The following TBPL1 variants were observed in gnomAD, a reference collection of about 807,000 sequenced individuals.
The protein encoded by TBPL1 is TATA-box binding protein like 1.
In TBPL1, 4 loss-of-function variants were observed where a neutral mutation model predicts 22.1. The observed-to-expected ratio is 0.18, with a 90% CI of 0.09 to 0.41. The LOEUF (loss-of-function observed/expected upper bound fraction) is 0.41. Ranked by LOEUF, TBPL1 falls within the 10% of genes least tolerant of loss-of-function variation. The pLI, the probability that TBPL1 is intolerant of heterozygous loss-of-function variation, is 1.00. For synonymous variants in TBPL1, 64 were observed against 71.0 expected (o/e 0.90, Z 0.50); for missense variants, 115 against 222.3 (o/e 0.52, Z 3.07).
intron 1 of TBPL1, among the ~76,000 whole-genome samples, chr6:133,977,826 G>T (rs541325508): frequency 1.3e-5 from 2 of 152,306 alleles, no homozygotes; most frequent in South Asian, 4.1e-4. Flanking sequence ...CATCCTCATT[G>T]TCTCGTGGTG....
intron 1 of TBPL1, among the ~76,000 whole-genome samples, chr6:133,964,959 C>A (rs1776093610): frequency 6.6e-6 from 1 of 152,114 alleles, no homozygotes; most frequent in Non-Finnish European, 1.5e-5. Context: ...TGATTAAATT[C>A]TTGATGAGTT....
intron 1 of TBPL1, among the ~76,000 whole-genome samples, chr6:133,961,528 G>C (rs1776024157): frequency 6.9e-6 from 1 of 144,618 alleles, no homozygotes; most frequent in Admixed American, 7.2e-5. Context: ...GAGTGCAGTG[G>C]TGCAATCTCG....
chr6:133,968,454 C>T (rs1385308439), intron 1 of TBPL1, among the ~76,000 whole-genome samples: 5 of 152,146 alleles, frequency 3.3e-5, no homozygotes, highest in African/African-American at 1.2e-4. Flanking sequence ...TTTCCTTTAT[C>T]CACAATAGTA....
chr6:133,984,521 T>G, intron 5 of TBPL1, 42 bp downstream of exon 5: 1 of 1,609,990 alleles, frequency 6.2e-7, no homozygotes, highest in Non-Finnish European at 8.5e-7. Flanking sequence ...TTACCAAATT[T>G]GAAATTACTA....
At chr6:133,964,891 G>A (rs1344874647) in intron 1 of TBPL1, among the ~76,000 whole-genome samples, 1 of 152,098 alleles carries the variant, frequency 6.6e-6, no homozygotes, top group Non-Finnish European at 1.5e-5. Flanking sequence ...AAAAACAGTC[G>A]AAACTATGAA....
At chr6:133,963,116 TG>T (rs1776052658) in intron 1 of TBPL1, among the ~76,000 whole-genome samples, 1 of 152,200 alleles carries the variant, frequency 6.6e-6, no homozygotes, top group Non-Finnish European at 1.5e-5. Context: ...CAGATTATGC[TG>T]GTTTAAAAGC....
At position 133,987,782 on chromosome 6, in the gene TBPL1, GAAGTTTATAGATA is replaced by G. The variant is rs1776559818; in HGVS notation, c.*746_*758del. 6.6e-6 allele frequency: 1 copy of G among 152,404 alleles called. No homozygotes were observed. Among genetic ancestry groups the G allele is most frequent in the South Asian group, 2.1e-4 (1 of 4,824 alleles). 9.4% of individuals were successfully genotyped at this position (152,404 alleles called of 1,614,324 possible). On this transcript the variant is annotated 3_prime_UTR_variant, in exon 7 of 7. Transcript: ENST00000237264. ...ATATAAACTCTAGGGAACCAGACTA[GAAGTTTATAGATA>G]AAGGATAATGTTTTATGTTGCTAAT...
At chr6:133,983,020 T>C in intron 4 of TBPL1, 140 bp downstream of exon 4, 1 of 747,948 alleles carries the variant, frequency 1.3e-6, no homozygotes, top group Non-Finnish European at 2.0e-6. Context: ...AATACTGCCC[T>C]TCAGTGTGAA....
intron 1 of TBPL1, among the ~76,000 whole-genome samples, chr6:133,965,623 A>C (rs1305801738): frequency 6.7e-6 from 1 of 150,326 alleles, no homozygotes; most frequent in African/African-American, 2.4e-5. Context: ...TTTTTTTTTT[A>C]ATTCACTGTT....
rs577043613 is a variant in TBPL1 at position 133,962,876 on chromosome 6, T to C, written c.-45+9451T>C. Among the ~76,000 whole-genome samples the C allele has an allele frequency of 3.9e-5, 6 of 152,342 alleles. 1 individual carries two copies. The South Asian group carries it at 1.2e-3, about 32-fold the overall frequency. Reference sequence around the variant, plus strand: ...AGCTTTTCAGGGTCTGGCATGGATTTCAGTTAAGAACTTCTGATTTAAGGA... The same window carrying C: ...AGCTTTTCAGGGTCTGGCATGGATTCCAGTTAAGAACTTCTGATTTAAGGA... On this transcript the variant is annotated intron_variant, in intron 1 of 6. Transcript: ENST00000237264.
intron 1 of TBPL1, among the ~76,000 whole-genome samples, chr6:133,976,338 A>T (rs186794156): frequency 6.6e-6 from 1 of 152,194 alleles, no homozygotes; most frequent in Non-Finnish European, 1.5e-5. Context: ...ACAATGTTTC[A>T]GATACGATGT....
intron 1 of TBPL1, among the ~76,000 whole-genome samples, chr6:133,958,991 T>C (rs2114322792): frequency 6.6e-6 from 1 of 152,250 alleles, no homozygotes; most frequent in South Asian, 2.1e-4. Flanking sequence ...ACCAAATAGA[T>C]AGAGATATAT....
chr6:133,970,795 C>CT lies in TBPL1; in HGVS notation c.-44-9286dup, dbSNP rs779675892. Among the ~76,000 whole-genome samples, 9 of 151,978 alleles carry CT rather than the reference C, an allele frequency of 5.9e-5. No homozygotes were observed. The East Asian group carries it at 1.5e-3, about 26-fold the overall frequency. ...TTAAAATTTGTTGTAGAAATTGAGT[C>CT]TATCTGTGTTGCCCAGGCTGGTTTT... On this transcript the variant is annotated intron_variant, in intron 1 of 6. Transcript: ENST00000237264.
At chr6:133,974,171 GTCTACATCTCT>G (rs1474976166) in intron 1 of TBPL1, among the ~76,000 whole-genome samples, 4 of 152,106 alleles carry the variant, frequency 2.6e-5, no homozygotes, top group Non-Finnish European at 4.4e-5. Flanking sequence ...ATGGACCTCT[GTCTACATCTCT>G]ACATCTGTCT....
At chr6:133,976,699 C>T (rs1776318380) in intron 1 of TBPL1, among the ~76,000 whole-genome samples, 1 of 152,008 alleles carries the variant, frequency 6.6e-6, no homozygotes, top group Non-Finnish European at 1.5e-5. Context: ...AGAAACTGAG[C>T]TATTTGTCGG....
At chr6:133,978,911 A>G (rs566213582) in intron 1 of TBPL1, among the ~76,000 whole-genome samples, 4 of 152,298 alleles carry the variant, frequency 2.6e-5, no homozygotes, top group African/African-American at 7.2e-5. Flanking sequence ...CAACTATAGT[A>G]TGTTTTTATC....
chr6:133,986,966 A>G lies in TBPL1; in HGVS notation c.487A>G (p.Asn163Asp). ...CTCCATTGTGTTTATTACAGGGCCC[A>G]ATGTAAAGGCTGTTGCTACTGCTGT... ...STGSITVTGP[N>D]VKAVATAVEQ... Residue 163 changes from asparagine (N) to aspartate (D), a missense_variant, in exon 7 of 7, where the codon AAT (asparagine) becomes GAT (aspartate). Physicochemically the swap from Asn to Asp is conservative, Grantham distance 23 (BLOSUM62 1). Transcript: ENST00000237264. 1 of 1,607,586 alleles carries G rather than the reference A, an allele frequency of 6.2e-7. No homozygotes were observed. The highest frequency in any genetic ancestry group is 8.5e-7 in the Non-Finnish European group (1 of 1,176,888).
intron 1 of TBPL1, among the ~76,000 whole-genome samples, chr6:133,962,251 A>C (rs748080502): frequency 1.3e-5 from 2 of 152,164 alleles, no homozygotes; most frequent in Non-Finnish European, 2.9e-5. Context: ...GAGCCAAGAG[A>C]TGCTTCTTCA....
chr6:133,955,312 C>A (rs1396787894), intron 1 of TBPL1, among the ~76,000 whole-genome samples: 2 of 150,914 alleles, frequency 1.3e-5, no homozygotes, highest in African/African-American at 4.9e-5. Context: ...AATGCAGTGT[C>A]TGCTTTCCCT....
Sources: allele counts gnomAD v4.1 joint callset (sites outside exome capture counted in the v4.1 genomes callset), GRCh38; gene constraint gnomAD v4.1.1; transcripts MANE v1.5; gene names NCBI Gene and HGNC (gene_info 2026-07-23, HGNC 2026-07-21).